Variants in TSC2 observed in about 807,000 individuals in gnomAD.
The protein encoded by TSC2 is tuberin.
In TSC2, 29 loss-of-function variants were observed where a neutral mutation model predicts 202.2. The observed-to-expected ratio is 0.14, with a 90% CI of 0.11 to 0.20. The LOEUF is 0.20. TSC2 is among the 10% of genes least tolerant of loss of function. The probability of loss-of-function intolerance (pLI) is 1.00; values close to 1 mark genes in which losing one functional copy is unlikely to be tolerated. For synonymous variants in TSC2, 1,349 were observed against 1,044.0 expected, an observed-to-expected ratio of 1.29 and a Z score of -5.63; for missense variants, 2,429 against 2,420.0, an observed-to-expected ratio of 1.00 and a Z score of -0.08.
intron 11 of TSC2, chr16:2,061,097 T>G: frequency 2.1e-6 from 1 of 473,846 alleles, no homozygotes; most frequent in Non-Finnish European, 3.9e-6. Context: ...GCAGGCCGCC[T>G]TCGTGGCCTG....
chr16:2,080,570 A>C (rs183442789), intron 30 of TSC2, 193 bp downstream of exon 30: 9 of 652,800 alleles, frequency 1.4e-5, no homozygotes, highest in African/African-American at 9.2e-5. Flanking sequence ...TGCAAGCTCC[A>C]CCTCCCGGGT....
At chr16:2,088,198 G>A (rs2151626221) in intron 40 of TSC2, 29 bp from the exon 41 acceptor site, 1 of 1,580,698 alleles carries the variant, frequency 6.3e-7, no homozygotes. Flanking sequence ...CCACCTGATA[G>A]TGAGCTCACC....
chr16:2,054,530 C>A, intron 5 of TSC2, 90 bp downstream of exon 5: 2 of 1,587,434 alleles, frequency 1.3e-6, no homozygotes, highest in South Asian at 2.2e-5. Context: ...GAGGGGCTGC[C>A]GTTCTCAGGG....
chr16:2,076,371 TGCC>T, intron 24 of TSC2, 117 bp from the exon 25 acceptor site: 2 of 1,576,850 alleles, frequency 1.3e-6, no homozygotes, highest in South Asian at 2.2e-5. Flanking sequence ...GGGAGCTGGG[TGCC>T]GCCGCCTTGC....
chr16:2,048,485 A>G, intron 1 of TSC2, 102 bp from the exon 2 acceptor site: 1 of 1,438,454 alleles, frequency 7.0e-7, no homozygotes, highest in East Asian at 2.4e-5. Context: ...AGGAAAGGTT[A>G]TGCCCACCAG....
intron 31 of TSC2, 87 bp from the exon 32 acceptor site, chr16:2,082,349 C>T (rs1261848362): frequency 5.3e-6 from 8 of 1,499,946 alleles, no homozygotes; most frequent in Non-Finnish European, 7.4e-6. Flanking sequence ...CCTCTCTCCT[C>T]TGCAGGCACG....
In TSC2 at chr16:2,088,874, C is replaced by T. The variant is rs987659018; in HGVS notation, c.*264C>T. ...GGGCCATACAGCACACTCGCGCGTG[C>T]GCGCGCGCACACACACACACACACA... is the stretch of plus-strand genomic sequence containing the variant. On this transcript the variant is annotated 3_prime_UTR_variant, in exon 42 of 42. Coordinates refer to ENST00000219476, the MANE Select transcript of TSC2 (RefSeq NM_000548.5). 51 of 473,706 alleles carry T rather than the reference C, an allele frequency of 1.1e-4. No individual in the cohort carries two copies. The highest frequency in any genetic ancestry group is 1.2e-3 in the Middle Eastern group (2 of 1,734). 29.3% of individuals were successfully genotyped at this position (473,706 alleles called of 1,614,324 possible).
intron 12 of TSC2, among the ~76,000 whole-genome samples, 163 bp from the exon 13 acceptor site, chr16:2,062,334 A>G (rs1390611423): frequency 6.6e-6 from 1 of 152,192 alleles, no homozygotes; most frequent in Non-Finnish European, 1.5e-5. Context: ...GTTTGGACAC[A>G]AGTCTTCCCC....
At chr16:2,082,614 C>A in intron 32 of TSC2, 110 bp downstream of exon 32, 1 of 1,276,022 alleles carries the variant, frequency 7.8e-7, no homozygotes, top group Non-Finnish European at 1.1e-6. Context: ...CCTCCATTGC[C>A]CTGGGGAGCA....
Position 2,060,749 on chromosome 16 carries a change from A to C in TSC2, c.1055A>C (p.Glu352Ala). Residue 352 changes from glutamate to alanine, a missense_variant, in exon 11 of 42, where the codon GAG becomes GCG. Glu to Ala is a moderately radical substitution (Grantham distance 107). Transcript: ENST00000219476. Reference sequence around the variant, plus strand: ...AGGCTCATCAAGAAGTATAGGAAGGAGCTCCAGGTGGTGGCGTGGGACATT... The same window carrying C: ...AGGCTCATCAAGAAGTATAGGAAGGCGCTCCAGGTGGTGGCGTGGGACATT... ...ITRLIKKYRKELQVVAWDILL... is the reference protein window; with the variant it reads ...ITRLIKKYRKALQVVAWDILL... 6.2e-7 allele frequency: 1 copy of C among 1,614,022 alleles called. No homozygotes were observed. Among genetic ancestry groups the C allele is most frequent in the Non-Finnish European group, 8.5e-7 (1 of 1,179,984 alleles).
intron 9 of TSC2, among the ~76,000 whole-genome samples, chr16:2,057,427 G>C (rs1174750069): frequency 6.6e-6 from 1 of 152,108 alleles, no homozygotes. Context: ...GTCCTCCAGC[G>C]GTGCTCCCCA....
intron 35 of TSC2, 60 bp from the exon 36 acceptor site, chr16:2,085,170 G>C (rs982151840): frequency 3.0e-5 from 49 of 1,609,482 alleles, no homozygotes; most frequent in Non-Finnish European, 4.1e-5. Context: ...GACCGGCCTG[G>C]GTGGGGCGGC....
At chr16:2,086,951 C>G in intron 38 of TSC2, 80 bp downstream of exon 38, 1 of 1,539,984 alleles carries the variant, frequency 6.5e-7, no homozygotes, top group Non-Finnish European at 8.8e-7. Context: ...AGGTCCTCCT[C>G]CCTGAGCTTC....
chr16:2,069,207 G>T (rs1415367018), intron 16 of TSC2, among the ~76,000 whole-genome samples: 2 of 152,232 alleles, frequency 1.3e-5, no homozygotes, highest in Admixed American at 1.3e-4. Flanking sequence ...TTCCCAGAAT[G>T]GGGGGTGCCA....
chr16:2,048,382 C>G, intron 1 of TSC2: 2 of 851,670 alleles, frequency 2.3e-6, no homozygotes, highest in Non-Finnish European at 3.9e-6. Flanking sequence ...AGAGAGCTCT[C>G]TAGACCAGGC....
In TSC2 at chr16:2,071,600, T is replaced by C. The variant is rs1567462577; in HGVS notation, c.1930T>C (p.Cys644Arg). The change falls in exon 18 of 42, where the codon TGC (cysteine) becomes CGC (arginine). Residue 644 changes from cysteine to arginine, a missense_variant. Cys to Arg is a radical substitution (Grantham distance 180). Transcript: ENST00000219476. ...TGGAGTCGTGCGGTTCAGCCCCTACTGCGTCTGCGACTACATGTACGCGGG... is the reference window on the plus strand; with the variant it reads ...TGGAGTCGTGCGGTTCAGCCCCTACCGCGTCTGCGACTACATGTACGCGGG... ...KDGVVRFSPY[C>R]VCDYMEPERG... The C allele has an allele frequency of 6.2e-7, 1 of 1,613,376 alleles. No individual in the cohort carries two copies. The highest frequency in any genetic ancestry group is 8.5e-7 in the Non-Finnish European group (1 of 1,180,014).
At chr16:2,086,416 G>A (rs1338096920) in intron 37 of TSC2, 37 bp downstream of exon 37, 2 of 1,602,704 alleles carry the variant, frequency 1.2e-6, no homozygotes, top group African/African-American at 2.7e-5. Flanking sequence ...GCTGCCCCAG[G>A]CCTCAGGGCA....
At chr16:2,075,973 T>TC in intron 23 of TSC2, 81 bp downstream of exon 23, 2 of 1,611,666 alleles carry the variant, frequency 1.2e-6, no homozygotes, top group South Asian at 2.2e-5. Flanking sequence ...GCAGCCTTTG[T>TC]CCCCAAGGCC....
rs750647204 is a variant in TSC2, at chr16:2,048,017, C to A, written c.-78C>A. ...GCGGCGTCCCGGGGCCAGGGGGGTGCGCCTTTCTCCGCGTCGGGGCGGCCC... is the reference window on the plus strand; with the variant it reads ...GCGGCGTCCCGGGGCCAGGGGGGTGAGCCTTTCTCCGCGTCGGGGCGGCCC... On this transcript the variant is annotated 5_prime_UTR_variant, in exon 1 of 42. Coordinates refer to ENST00000219476, the MANE Select transcript of TSC2 (RefSeq NM_000548.5). The A allele has an allele frequency of 1.0e-5, 15 of 1,454,862 alleles. No homozygotes were observed. The highest frequency in any genetic ancestry group is 8.1e-6 in the Non-Finnish European group (9 of 1,109,162). The allele number at this position is 1,454,862 out of a possible 1,614,324, so 90.1% of individuals were successfully genotyped here.
Sources: gnomAD v4.1 joint callset for allele counts (sites outside exome capture counted in the v4.1 genomes callset) on GRCh38, gnomAD v4.1.1 for gene constraint, MANE v1.5 for transcripts, NCBI Gene and HGNC (gene_info 2026-07-23, HGNC 2026-07-21) for gene names.